Variants in NCOA1 observed in about 807,000 individuals in gnomAD.
The protein encoded by NCOA1 is Hin-2 protein.
NCOA1 carries 35 observed loss-of-function variants against 150.9 expected under a neutral mutation model. The observed-to-expected ratio is 0.23, with a 90% CI of 0.18 to 0.31. The LOEUF is 0.31. Ranked by LOEUF, NCOA1 falls within the 10% of genes least tolerant of loss-of-function variation. The pLI, the probability that NCOA1 is intolerant of heterozygous loss-of-function variation, is 1.00. For missense variants in NCOA1, 1,491 were observed against 1,749.3 expected, an observed-to-expected ratio of 0.85 and a Z score of 2.63; for synonymous variants, 590 against 630.0, an observed-to-expected ratio of 0.94 and a Z score of 0.95.
At chr2:24,739,652 T>A (rs1200182185) in intron 18 of NCOA1, 119 bp downstream of exon 18, 1 of 644,142 alleles carries the variant, frequency 1.6e-6, no homozygotes, top group Non-Finnish European at 2.6e-6. Flanking sequence ...ATGTTTGTAG[T>A]GTAGTTTTCT....
At chr2:24,591,664 C>T (rs1347746461) in intron 3 of NCOA1, among the ~76,000 whole-genome samples, 2 of 152,104 alleles carry the variant, frequency 1.3e-5, no homozygotes, top group Non-Finnish European at 2.9e-5. Flanking sequence ...CTCCCCAGTT[C>T]TCTGAATTGA....
intron 1 of NCOA1, among the ~76,000 whole-genome samples, chr2:24,525,429 G>C (rs1267332126): frequency 6.6e-6 from 1 of 152,162 alleles, no homozygotes; most frequent in Non-Finnish European, 1.5e-5. Flanking sequence ...TAAGGATTAG[G>C]AAAGCAGAAT....
At chr2:24,627,350 T>C (rs1006064552) in intron 3 of NCOA1, among the ~76,000 whole-genome samples, 5 of 152,198 alleles carry the variant, frequency 3.3e-5, no homozygotes, top group African/African-American at 7.2e-5. Flanking sequence ...AGGTAATATG[T>C]AATTTAGAAA....
intron 21 of NCOA1, among the ~76,000 whole-genome samples, chr2:24,760,404 G>T (rs555956288): frequency 2.1e-5 from 3 of 146,036 alleles, no homozygotes; most frequent in African/African-American, 7.6e-5. Flanking sequence ...TGTTCTGCCC[G>T]CCTCGGCCTC....
chr2:24,512,618 C>T (rs1255127185), intron 1 of NCOA1, among the ~76,000 whole-genome samples: 1 of 152,116 alleles, frequency 6.6e-6, no homozygotes, highest in East Asian at 1.9e-4. Context: ...AGTGGTGCAG[C>T]GTGGTACAGA....
At position 24,765,187 on chromosome 2, in the gene NCOA1, A is replaced by G. The variant is rs112179679; in HGVS notation, c.4155+2411A>G. On this transcript the variant is annotated intron_variant, in intron 22 of 22. Coordinates refer to ENST00000348332, the MANE Select transcript of NCOA1 (RefSeq NM_003743.5). ...GGGATACTTCGACTCAAAAAAAAAA[A>G]AGAGAGAGAGAGAGAAGGCATTTTA... 6.5e-3 allele frequency among the ~76,000 whole-genome samples: 989 copies of G among 151,422 alleles called. 17 individuals carry two copies. The highest frequency in any genetic ancestry group is 0.022 in the African/African-American group (923 of 41,324).
intron 1 of NCOA1, among the ~76,000 whole-genome samples, chr2:24,517,479 C>G (rs538944610): frequency 6.6e-6 from 1 of 152,206 alleles, no homozygotes; most frequent in Non-Finnish European, 1.5e-5. Flanking sequence ...GTTTCTCTCT[C>G]AGGGTTTATG....
intron 4 of NCOA1, among the ~76,000 whole-genome samples, chr2:24,654,395 A>C (rs1670835021): frequency 6.6e-6 from 1 of 152,206 alleles, no homozygotes; most frequent in Non-Finnish European, 1.5e-5. Context: ...AATGCAGTTC[A>C]TCTCATTTAT....
intron 13 of NCOA1, among the ~76,000 whole-genome samples, chr2:24,709,729 A>G (rs1673640228): frequency 6.6e-6 from 1 of 152,226 alleles, no homozygotes; most frequent in Non-Finnish European, 1.5e-5. Context: ...CATGTTCACA[A>G]ATGTTTTTAA....
chr2:24,542,269 G>A (rs370511592), intron 1 of NCOA1, among the ~76,000 whole-genome samples: 1 of 69,816 alleles, frequency 1.4e-5, no homozygotes, highest in Non-Finnish European at 3.7e-5. Flanking sequence ...GAACTAACCT[G>A]ATTAGTGAAT....
intron 2 of NCOA1, among the ~76,000 whole-genome samples, chr2:24,577,906 G>C (rs1667054965): frequency 6.6e-6 from 1 of 152,136 alleles, no homozygotes. Flanking sequence ...AGCAAGTTAT[G>C]CTTTCAAATT....
intron 3 of NCOA1, among the ~76,000 whole-genome samples, chr2:24,595,579 C>G (rs921745902): frequency 6.6e-6 from 1 of 152,074 alleles, no homozygotes; most frequent in South Asian, 2.1e-4. Context: ...ATTATAGAAT[C>G]TTGGTGTAGC....
chr2:24,654,741 C>T (rs767369842), intron 4 of NCOA1, among the ~76,000 whole-genome samples: 2 of 152,082 alleles, frequency 1.3e-5, no homozygotes, highest in Non-Finnish European at 2.9e-5. Context: ...TCTCTGAACT[C>T]GTCACTTACT....
chr2:24,587,278 A>AAG (rs1667453960), intron 3 of NCOA1, among the ~76,000 whole-genome samples: 1 of 151,908 alleles, frequency 6.6e-6, no homozygotes, highest in African/African-American at 2.4e-5. Flanking sequence ...GTGGTAGATA[A>AAG]AGGAAGGATT....
intron 1 of NCOA1, among the ~76,000 whole-genome samples, chr2:24,493,824 G>A (rs187843139): frequency 7.9e-5 from 12 of 152,310 alleles, no homozygotes; most frequent in African/African-American, 2.4e-4. Context: ...AGCATGAAGC[G>A]GGTGTGATGT....
chr2:24,492,395 C>T (rs944327535), intron 1 of NCOA1, among the ~76,000 whole-genome samples: 1 of 152,164 alleles, frequency 6.6e-6, no homozygotes, highest in Non-Finnish European at 1.5e-5. Flanking sequence ...CCCAGGGTCT[C>T]CAGTCCTTAC....
intron 21 of NCOA1, among the ~76,000 whole-genome samples, chr2:24,761,629 GCAT>G (rs1409159642): frequency 4.6e-5 from 7 of 151,920 alleles, no homozygotes; most frequent in African/African-American, 1.7e-4. Context: ...TTTTCATTAT[GCAT>G]CATATTTTTC....
At chr2:24,751,049 G>A (rs1208729659) in intron 19 of NCOA1, among the ~76,000 whole-genome samples, 2 of 148,630 alleles carry the variant, frequency 1.3e-5, no homozygotes, top group African/African-American at 2.5e-5. Flanking sequence ...GTGCAGTGGT[G>A]CGATCTCGTC....
At position 24,770,553 on chromosome 2, in the gene NCOA1, C is replaced by G. The variant is rs1293664530; in HGVS notation, c.*2162C>G. 4.6e-6 allele frequency: 1 copy of G among 216,108 alleles called. No homozygotes were observed. Among genetic ancestry groups the G allele is most frequent in the Admixed American group, 5.8e-5 (1 of 17,222 alleles). 13.4% of individuals were successfully genotyped at this position (216,108 alleles called of 1,614,324 possible). ...TTCCTGTCATTCCACAGGAAATTCA[C>G]TTTTCCAGCTACTGAATAGAATTTG... On this transcript the variant is annotated 3_prime_UTR_variant, in exon 23 of 23. Coordinates refer to ENST00000348332, the MANE Select transcript of NCOA1 (RefSeq NM_003743.5).
Sources: allele counts gnomAD v4.1 joint callset (sites outside exome capture counted in the v4.1 genomes callset), GRCh38; gene constraint gnomAD v4.1.1; transcripts MANE v1.5; gene names NCBI Gene and HGNC (gene_info 2026-07-23, HGNC 2026-07-21).